The following ADAMTSL3 variants were observed in gnomAD, a reference collection of about 807,000 sequenced individuals.
ADAMTSL3 encodes ADAMTS-like protein 3.
Under a neutral mutation model 201.7 loss-of-function variants are expected in ADAMTSL3, and 128 were observed. That is an observed-to-expected ratio of 0.63 (90% CI 0.55 to 0.73). The LOEUF is 0.73. Ranked by LOEUF, ADAMTSL3 falls within the 30% of genes least tolerant of loss-of-function variation. The probability of loss-of-function intolerance (pLI) is 0.00; values close to 1 mark genes in which losing one functional copy is unlikely to be tolerated. For synonymous variants in ADAMTSL3, 738 were observed against 748.4 expected (o/e 0.99, Z 0.23); for missense variants, 1,990 against 2,119.6 (o/e 0.94, Z 1.20).
chr15:83,835,233 CA>C (rs58071247), intron 6 of ADAMTSL3, among the ~76,000 whole-genome samples: 85 of 112,298 alleles, frequency 7.6e-4, no homozygotes, highest in Non-Finnish European at 7.7e-4. Context: ...GACTCTGTCT[CA>C]AAAAAAAAAA....
chr15:83,748,141 A>G (rs1275066453), intron 3 of ADAMTSL3, among the ~76,000 whole-genome samples: 2 of 152,226 alleles, frequency 1.3e-5, no homozygotes, highest in Non-Finnish European at 2.9e-5. Context: ...CATCAAAAGT[A>G]CACTGCTCCT....
chr15:83,947,443 G>A (rs572098431), intron 19 of ADAMTSL3, among the ~76,000 whole-genome samples: 1 of 152,206 alleles, frequency 6.6e-6, no homozygotes, highest in Non-Finnish European at 1.5e-5. Context: ...AGGCAGAAAG[G>A]AGCCTTCAGT....
intron 8 of ADAMTSL3, 84 bp downstream of exon 8, chr15:83,858,924 C>G (rs571695559): frequency 3.3e-6 from 4 of 1,210,576 alleles, no homozygotes; most frequent in Non-Finnish European, 4.7e-6. Context: ...AACCCACAAA[C>G]CAAACCAACA....
intron 2 of ADAMTSL3, among the ~76,000 whole-genome samples, chr15:83,690,858 A>G (rs2061600381): frequency 6.6e-6 from 1 of 152,232 alleles, no homozygotes; most frequent in South Asian, 2.1e-4. Flanking sequence ...AGCTTCTTAC[A>G]GTTTAAAGAA....
In ADAMTSL3 at chr15:83,658,219, C is replaced by T. The variant is rs571587238; in HGVS notation, c.69+2389C>T. 5.3e-5 allele frequency among the ~76,000 whole-genome samples: 8 copies of T among 152,300 alleles called. No individual in the cohort carries two copies. The East Asian group carries it at 1.4e-3, about 26-fold the overall frequency. ...CTGCTTGCTGGGTTCAAGCAATTCT[C>T]GTGTCTCAGCCTCTGAGTAGCTGGG... On this transcript the variant is annotated intron_variant, in intron 2 of 29. Coordinates refer to ENST00000286744, the MANE Select transcript of ADAMTSL3 (RefSeq NM_207517.3).
intron 2 of ADAMTSL3, among the ~76,000 whole-genome samples, chr15:83,676,714 G>T (rs2061410740): frequency 1.3e-5 from 2 of 152,174 alleles, no homozygotes; most frequent in Non-Finnish European, 2.9e-5. Flanking sequence ...ACCCTCCAAG[G>T]TTATGGTATT....
chr15:83,996,457 C>CAAA (rs2067687220), intron 23 of ADAMTSL3, among the ~76,000 whole-genome samples: 1 of 152,066 alleles, frequency 6.6e-6, no homozygotes, highest in Non-Finnish European at 1.5e-5. Flanking sequence ...GAAATAGCTT[C>CAAA]TCTGAATCAA....
intron 5 of ADAMTSL3, among the ~76,000 whole-genome samples, chr15:83,814,225 T>A (rs1202317956): frequency 2.6e-5 from 4 of 152,162 alleles, no homozygotes; most frequent in Non-Finnish European, 4.4e-5. Context: ...TTTCTTTTCC[T>A]TGTCATTAGT....
chr15:83,780,629 A>G (rs2063153427), intron 4 of ADAMTSL3, among the ~76,000 whole-genome samples: 1 of 152,160 alleles, frequency 6.6e-6, no homozygotes, highest in South Asian at 2.1e-4. Flanking sequence ...CAGACAAGAG[A>G]AAGAAATAAA....
chr15:83,741,394 TCAA>T (rs2062452893), intron 3 of ADAMTSL3, among the ~76,000 whole-genome samples: 1 of 152,020 alleles, frequency 6.6e-6, no homozygotes, highest in South Asian at 2.1e-4. Flanking sequence ...TGGAATTATC[TCAA>T]CAGCTGTCAT....
In ADAMTSL3 at chr15:84,036,673, C is replaced by T. The variant is rs576672856; in HGVS notation, c.4755-100C>T. 58 of 822,638 alleles carry T rather than the reference C, an allele frequency of 7.1e-5. No homozygotes were observed. In the Middle Eastern group the frequency reaches 8.4e-4, roughly 12 times the overall value. The allele number at this position is 822,638 out of a possible 1,614,324, so 51.0% of individuals were successfully genotyped here. ...TAGACTCTCCATCCAACCTTTAATA[C>T]GTAGTATAGAGTAAGGTAAAAAGGC... is the stretch of plus-strand genomic sequence containing the variant. On this transcript the variant is annotated intron_variant, in intron 28 of 29. Transcript: ENST00000286744.
chr15:83,813,015 T>C (rs959958024), intron 5 of ADAMTSL3, among the ~76,000 whole-genome samples: 13 of 152,204 alleles, frequency 8.5e-5, no homozygotes, highest in African/African-American at 2.9e-4. Flanking sequence ...TACAAGAGTA[T>C]GGAAAGGCTG....
rs182266900 is a variant in ADAMTSL3, at chr15:83,985,400, C to A, written c.3716+2056C>A. 7.9e-5 allele frequency among the ~76,000 whole-genome samples: 12 copies of A among 151,924 alleles called. No individual in the cohort carries two copies. The East Asian group carries it at 2.1e-3, about 27-fold the overall frequency. ...ATTTAAAAAATATATATATATATATCTACCAAATACCCAACTTTAAATCAT... is the reference window on the plus strand; with the variant it reads ...ATTTAAAAAATATATATATATATATATACCAAATACCCAACTTTAAATCAT... On this transcript the variant is annotated intron_variant, in intron 21 of 29. Coordinates refer to ENST00000286744, the MANE Select transcript of ADAMTSL3 (RefSeq NM_207517.3).
intron 7 of ADAMTSL3, among the ~76,000 whole-genome samples, chr15:83,841,396 G>C (rs1239721121): frequency 1.3e-5 from 2 of 152,210 alleles, no homozygotes; most frequent in Non-Finnish European, 2.9e-5. Context: ...CAGCCTTCCA[G>C]GGTTAAGTCC....
chr15:83,914,746 A>G (rs2065997819), intron 16 of ADAMTSL3, among the ~76,000 whole-genome samples: 1 of 152,154 alleles, frequency 6.6e-6, no homozygotes, highest in Admixed American at 6.5e-5. Flanking sequence ...GTTGCCCCCC[A>G]CACTGCCTTG....
At chr15:83,734,283 C>T (rs2141614530) in intron 3 of ADAMTSL3, among the ~76,000 whole-genome samples, 1 of 152,218 alleles carries the variant, frequency 6.6e-6, no homozygotes, top group Admixed American at 6.5e-5. Context: ...AGAGTGAACA[C>T]AAAAATTGTA....
chr15:83,682,132 C>T (rs2061484181), intron 2 of ADAMTSL3, among the ~76,000 whole-genome samples: 1 of 152,042 alleles, frequency 6.6e-6, no homozygotes, highest in Non-Finnish European at 1.5e-5. Flanking sequence ...ACTCTGTGAC[C>T]CTGGGAGAGG....
intron 2 of ADAMTSL3, among the ~76,000 whole-genome samples, chr15:83,666,545 A>G (rs1476744246): frequency 6.6e-6 from 1 of 152,312 alleles, no homozygotes; most frequent in East Asian, 1.9e-4. Flanking sequence ...GGCATTAGAA[A>G]TGGAATAACA....
At chr15:83,680,305 T>C (rs988084992) in intron 2 of ADAMTSL3, among the ~76,000 whole-genome samples, 2 of 152,118 alleles carry the variant, frequency 1.3e-5, no homozygotes, top group East Asian at 3.9e-4. Context: ...TCTTTTCTCT[T>C]CTTTTTACTT....
Sources: allele counts gnomAD v4.1 joint callset (sites outside exome capture counted in the v4.1 genomes callset), GRCh38; gene constraint gnomAD v4.1.1; transcripts MANE v1.5; gene names NCBI Gene and HGNC (gene_info 2026-07-23, HGNC 2026-07-21).